The following CDC14B variants were observed in gnomAD, a reference collection of about 807,000 sequenced individuals.
The protein encoded by CDC14B is cell division cycle 14B.
In CDC14B, 22 loss-of-function variants were observed where a neutral mutation model predicts 64.2. The observed-to-expected ratio is 0.34, with a 90% confidence interval of 0.24 to 0.49. The LOEUF (loss-of-function observed/expected upper bound fraction) is 0.49. Ranked by LOEUF, CDC14B falls within the 20% of genes least tolerant of loss-of-function variation. CDC14B has a pLI of 0.99. For missense variants in CDC14B, 498 were observed against 629.9 expected, an observed-to-expected ratio of 0.79 and a Z score of 2.24; for synonymous variants, 191 against 215.8, an observed-to-expected ratio of 0.89 and a Z score of 1.01.
At chr9:96,574,074 G>A (rs1206879570) in intron 1 of CDC14B, among the ~76,000 whole-genome samples, 1 of 151,878 alleles carries the variant, frequency 6.6e-6, no homozygotes, top group Non-Finnish European at 1.5e-5. Context: ...GTGAACCCGG[G>A]AGGCGGAGCT....
chr9:96,616,304 A>G (rs560927955), intron 1 of CDC14B, among the ~76,000 whole-genome samples: 1 of 151,424 alleles, frequency 6.6e-6, no homozygotes, highest in African/African-American at 2.4e-5. Context: ...CAACCCGGGC[A>G]ACAGAGCAAG....
intron 13 of CDC14B, among the ~76,000 whole-genome samples, chr9:96,493,955 A>C (rs1469306444): frequency 1.3e-5 from 2 of 152,146 alleles, no homozygotes; most frequent in Admixed American, 1.3e-4. Flanking sequence ...CCTCCACGCC[A>C]GTGCTGCCTT....
chr9:96,576,760 A>T (rs1443628990), intron 1 of CDC14B, among the ~76,000 whole-genome samples: 1 of 152,192 alleles, frequency 6.6e-6, no homozygotes, highest in Non-Finnish European at 1.5e-5. Context: ...TAATCATAGA[A>T]GACTAAACAC....
intron 12 of CDC14B, among the ~76,000 whole-genome samples, chr9:96,512,242 T>G (rs1001576408): frequency 1.3e-5 from 2 of 151,666 alleles, no homozygotes; most frequent in Admixed American, 6.6e-5. Flanking sequence ...TATATGCATC[T>G]TAATTGTATG....
chr9:96,601,690 A>G (rs59210607), intron 1 of CDC14B, among the ~76,000 whole-genome samples: 22,438 of 148,272 alleles, frequency 0.15, 5,633 homozygotes, highest in African/African-American at 0.52. Flanking sequence ...CTACTCGGGA[A>G]GCTGAGGCAG....
chr9:96,577,228 G>A (rs1219641047), intron 1 of CDC14B, among the ~76,000 whole-genome samples: 1 of 149,758 alleles, frequency 6.7e-6, no homozygotes, highest in Non-Finnish European at 1.5e-5. Flanking sequence ...TCCAGCCTGG[G>A]TGACAGAGCG....
chr9:96,522,633 G>T, intron 11 of CDC14B, 30 bp from the exon 12 acceptor site: 1 of 1,404,794 alleles, frequency 7.1e-7, no homozygotes, highest in Non-Finnish European at 1.0e-6. Context: ...CTGAGCTAAT[G>T]ATTTAAGTTG....
chr9:96,557,207 T>TC, intron 4 of CDC14B, among the ~76,000 whole-genome samples: 1 of 152,336 alleles, frequency 6.6e-6, no homozygotes, highest in South Asian at 2.1e-4. Context: ...CAGGGCCGGC[T>TC]CCCAAGGAAG....
chr9:96,514,136 T>C (rs943741308), intron 12 of CDC14B, among the ~76,000 whole-genome samples: 1 of 152,124 alleles, frequency 6.6e-6, no homozygotes, highest in Non-Finnish European at 1.5e-5. Flanking sequence ...GCAAACGTCA[T>C]TACCAATAAC....
At chr9:96,535,105 G>A (rs989922308) in intron 7 of CDC14B, among the ~76,000 whole-genome samples, 14 of 152,190 alleles carry the variant, frequency 9.2e-5, no homozygotes, top group Middle Eastern at 3.4e-3. Context: ...TCATTTGTTC[G>A]TGATCAGCCT....
At position 96,534,172 on chromosome 9, in the gene CDC14B, G is replaced by A; in HGVS notation, c.716-15C>T. On this transcript the variant is annotated splice_polypyrimidine_tract_variant and intron_variant, in intron 8 of 13. Coordinates refer to ENST00000375241, the MANE Select transcript of CDC14B (RefSeq NM_033331.4). Reference sequence around the variant, plus strand: ...TTGGTGGTAACCTACATAAAGAAATGCACCAGATCTTATAAAACACATAAA... The same window carrying A: ...TTGGTGGTAACCTACATAAAGAAATACACCAGATCTTATAAAACACATAAA... 6.8e-7 allele frequency: 1 copy of A among 1,463,026 alleles called. No homozygotes were observed. 90.6% of individuals were successfully genotyped at this position (1,463,026 alleles called of 1,614,324 possible). A position where few individuals can be genotyped will look rare whatever the true frequency, so the allele number is the denominator to read the frequency against.
At chr9:96,553,398 G>A (rs1381686242) in intron 4 of CDC14B, among the ~76,000 whole-genome samples, 6 of 142,726 alleles carry the variant, frequency 4.2e-5, no homozygotes, top group South Asian at 2.2e-4. Flanking sequence ...CACTCTTGTC[G>A]CCTAGGCTGG....
intron 1 of CDC14B, among the ~76,000 whole-genome samples, chr9:96,606,527 T>TGTGTGTGTGTGTGTG (rs1846941875): frequency 8.9e-6 from 1 of 112,758 alleles, no homozygotes; most frequent in African/African-American, 3.3e-5. Context: ...TACTAAAAGT[T>TGTGTGTGTGTGTGTG]TGTGTGTGTG....
intron 1 of CDC14B, among the ~76,000 whole-genome samples, chr9:96,574,697 C>CAAAAAAAAAAAAAAAAAAA (rs57056796): frequency 1.2e-4 from 6 of 49,958 alleles, no homozygotes; most frequent in African/African-American, 5.0e-4. Context: ...CTCGGTCTCA[C>CAAAAAAAAAAAAAAAAAAA]AAAAAAAAAA....
chr9:96,511,818 T>C (rs560269476), intron 12 of CDC14B, among the ~76,000 whole-genome samples: 1 of 152,276 alleles, frequency 6.6e-6, no homozygotes, highest in East Asian at 1.9e-4. Flanking sequence ...AGGAGGTGGT[T>C]GCGGTGGCTT....
rs752657350 is a variant in CDC14B, at chr9:96,565,461, G to A, written c.183C>T (p.Leu61=). The change falls in exon 2 of 14, where the codon CTC becomes CTT. Residue 61 remains leucine, a synonymous_variant. Coordinates refer to ENST00000375241, the MANE Select transcript of CDC14B (RefSeq NM_033331.4). ...TTGATGCACTCTTTGGTCTGCTGTA[G>A]AGAATGGCAAAACAAAGGCGATCTG... ...DITDRLCFAI[L]YSRPKSASNV... is the part of the protein sequence containing the mutation. 1 of 1,611,564 alleles carries A rather than the reference G, an allele frequency of 6.2e-7. No individual in the cohort carries two copies. The highest frequency in any genetic ancestry group is 1.3e-5 in the African/African-American group (1 of 75,004).
intron 1 of CDC14B, among the ~76,000 whole-genome samples, chr9:96,574,466 TAAG>T (rs1010747205): frequency 2.0e-5 from 3 of 151,630 alleles, no homozygotes; most frequent in African/African-American, 7.3e-5. Context: ...AACCTAGATA[TAAG>T]AAGAAAAGCT....
intron 1 of CDC14B, among the ~76,000 whole-genome samples, chr9:96,594,848 G>T (rs1845982822): frequency 6.6e-6 from 1 of 151,988 alleles, no homozygotes; most frequent in African/African-American, 2.4e-5. Context: ...GAGTACTCGG[G>T]AAATAAATAA....
intron 1 of CDC14B, among the ~76,000 whole-genome samples, chr9:96,567,619 T>C (rs1242317854): frequency 1.3e-5 from 2 of 152,244 alleles, no homozygotes; most frequent in Non-Finnish European, 2.9e-5. Flanking sequence ...GACACCCTTT[T>C]TAAACAACCA....
Sources: allele counts gnomAD v4.1 joint callset (sites outside exome capture counted in the v4.1 genomes callset), GRCh38; gene constraint gnomAD v4.1.1; transcripts MANE v1.5; gene names NCBI Gene and HGNC (gene_info 2026-07-23, HGNC 2026-07-21).